The following MACROD2 variants were observed in gnomAD, a reference collection of about 807,000 sequenced individuals.
MACROD2 encodes mono-ADP ribosylhydrolase 2.
A neutral mutation model predicts 70.4 loss-of-function variants in MACROD2; 36 were observed. That is an observed-to-expected ratio of 0.51 (90% CI 0.39 to 0.68). The LOEUF is 0.68. MACROD2 is among the 30% of genes least tolerant of loss of function. MACROD2 has a pLI of 0.00. For missense variants in MACROD2, 496 were observed against 538.4 expected (o/e 0.92, Z 0.78); for synonymous variants, 172 against 178.8 (o/e 0.96, Z 0.30).
At chr20:14,406,195 T>C (rs1568597886) in intron 3 of MACROD2, among the ~76,000 whole-genome samples, 2 of 152,188 alleles carry the variant, frequency 1.3e-5, no homozygotes. Flanking sequence ...GATGTACTTA[T>C]TCTTCATCAA....
In MACROD2 at chr20:14,374,291, G is replaced by T. The variant is rs150644165; in HGVS notation, c.272-119188G>T. On this transcript the variant is annotated intron_variant, in intron 3 of 17. Coordinates refer to ENST00000684519, the MANE Select transcript of MACROD2 (RefSeq NM_001351661.2). ...AAAGCCTCAGTACAAATGACCCGAT[G>T]ACCTTAATTCCCAGGAAACTGTCAC... 2.0e-3 allele frequency among the ~76,000 whole-genome samples: 300 copies of T among 152,232 alleles called. 1 individual carries two copies. Among genetic ancestry groups the T allele is most frequent in the Non-Finnish European group, 3.3e-3 (224 of 68,004 alleles).
chr20:14,121,906 T>C (rs1330403920), intron 3 of MACROD2, among the ~76,000 whole-genome samples: 1 of 152,220 alleles, frequency 6.6e-6, no homozygotes, highest in Admixed American at 6.5e-5. Context: ...TATTGAAGTC[T>C]GTAATTGTTT....
chr20:14,380,681 T>G (rs1329162990), intron 3 of MACROD2, among the ~76,000 whole-genome samples: 4 of 152,140 alleles, frequency 2.6e-5, no homozygotes, highest in Non-Finnish European at 5.9e-5. Context: ...TATTGACTGG[T>G]CTCTTCATAC....
intron 8 of MACROD2, among the ~76,000 whole-genome samples, chr20:15,764,295 A>G (rs2051486653): frequency 6.6e-6 from 1 of 152,218 alleles, no homozygotes; most frequent in Admixed American, 6.5e-5. Flanking sequence ...ACACTGTCAC[A>G]TATCATTAGC....
intron 2 of MACROD2, among the ~76,000 whole-genome samples, chr20:14,068,299 T>A (rs1223293262): frequency 6.6e-6 from 1 of 151,256 alleles, no homozygotes; most frequent in Non-Finnish European, 1.5e-5. Flanking sequence ...TTTCTGAGAT[T>A]CCAAACTAAT....
intron 7 of MACROD2, among the ~76,000 whole-genome samples, chr20:15,491,008 C>T (rs944619906): frequency 1.3e-5 from 2 of 152,188 alleles, no homozygotes; most frequent in Non-Finnish European, 2.9e-5. Context: ...TTCTCTTCTA[C>T]TTTCCATTGT....
At chr20:15,438,733 A>G (rs1055163537) in intron 7 of MACROD2, among the ~76,000 whole-genome samples, 1 of 152,184 alleles carries the variant, frequency 6.6e-6, no homozygotes, top group African/African-American at 2.4e-5. Flanking sequence ...GAATTTAAAG[A>G]GCAGGAATTC....
At chr20:14,325,816 G>A in intron 3 of MACROD2, 2 of 1,613,852 alleles carry the variant, frequency 1.2e-6, no homozygotes, top group African/African-American at 1.3e-5. Flanking sequence ...TTTGCTATAT[G>A]CACAGTTCCT....
At chr20:15,215,685 A>G (rs922818628) in intron 5 of MACROD2, among the ~76,000 whole-genome samples, 2 of 152,122 alleles carry the variant, frequency 1.3e-5, no homozygotes, top group Non-Finnish European at 2.9e-5. Flanking sequence ...GGCAACAAAC[A>G]TATTTATATC....
intron 5 of MACROD2, among the ~76,000 whole-genome samples, chr20:14,923,076 G>A (rs534020324): frequency 3.3e-5 from 5 of 152,054 alleles, no homozygotes; most frequent in African/African-American, 4.8e-5. Context: ...AATTGCCAGC[G>A]GTCAATTCTC....
chr20:14,154,360 G>T (rs556311538), intron 3 of MACROD2, among the ~76,000 whole-genome samples: 1 of 151,468 alleles, frequency 6.6e-6, no homozygotes, highest in Non-Finnish European at 1.5e-5. Flanking sequence ...AGTAGGTTCA[G>T]TATGTAATTT....
chr20:14,710,699 C>G (rs1327281531), intron 5 of MACROD2, among the ~76,000 whole-genome samples: 5 of 152,080 alleles, frequency 3.3e-5, no homozygotes, highest in Non-Finnish European at 5.9e-5. Context: ...TGTTGTTTTC[C>G]TCATATCATG....
intron 2 of MACROD2, among the ~76,000 whole-genome samples, chr20:14,050,366 A>G (rs2053548190): frequency 1.3e-5 from 2 of 152,172 alleles, no homozygotes; most frequent in Non-Finnish European, 2.9e-5. Flanking sequence ...AGCCTTCCTT[A>G]TTTTGGCAGT....
intron 6 of MACROD2, among the ~76,000 whole-genome samples, chr20:15,245,124 A>G (rs1014605338): frequency 5.3e-5 from 8 of 152,232 alleles, no homozygotes; most frequent in African/African-American, 1.7e-4. Flanking sequence ...GGATAATTCC[A>G]TATTTATTTC....
At chr20:15,732,178 C>T (rs961471704) in intron 8 of MACROD2, among the ~76,000 whole-genome samples, 1 of 151,716 alleles carries the variant, frequency 6.6e-6, no homozygotes, top group Admixed American at 6.6e-5. Flanking sequence ...AGCAGGATTG[C>T]TGGTGTCCAT....
intron 4 of MACROD2, among the ~76,000 whole-genome samples, chr20:14,605,207 T>C (rs1399405199): frequency 6.6e-6 from 1 of 152,172 alleles, no homozygotes; most frequent in African/African-American, 2.4e-5. Flanking sequence ...AGAAATGTAT[T>C]GTTTCACCGC....
At position 14,535,505 on chromosome 20, in the gene MACROD2, CAAAA is replaced by C. The variant is rs11357982; in HGVS notation, c.301+42018_301+42021del. 2.4e-3 allele frequency among the ~76,000 whole-genome samples: 150 copies of C among 62,994 alleles called. 1 individual carries two copies. Among genetic ancestry groups the C allele is most frequent in the African/African-American group, 8.3e-3 (142 of 17,012 alleles). The allele number at this position is 62,994 out of a possible 152,430, so 41.3% of individuals were successfully genotyped here. A position where few individuals can be genotyped will look rare whatever the true frequency, so the allele number is the denominator to read the frequency against. On this transcript the variant is annotated intron_variant, in intron 4 of 17. Coordinates refer to ENST00000684519, the MANE Select transcript of MACROD2 (RefSeq NM_001351661.2). ...GTGCAACAAGAGTGAAACTCCGTCTCAAAAAAAAAAAAAAAAAAAAAAAAGAGTT... is the reference window on the plus strand; with the variant it reads ...GTGCAACAAGAGTGAAACTCCGTCTCAAAAAAAAAAAAAAAAAAAAGAGTT...
At chr20:14,197,545 A>G (rs1185533805) in intron 3 of MACROD2, among the ~76,000 whole-genome samples, 1 of 152,288 alleles carries the variant, frequency 6.6e-6, no homozygotes, top group African/African-American at 2.4e-5. Context: ...AGGCGGGCAG[A>G]TCACCTGAGG....
At chr20:14,874,090 A>G (rs912765837) in intron 5 of MACROD2, among the ~76,000 whole-genome samples, 4 of 152,046 alleles carry the variant, frequency 2.6e-5, no homozygotes, top group Non-Finnish European at 5.9e-5. Flanking sequence ...TATCTCTAAC[A>G]CTTATTAGGA....
Sources: allele counts gnomAD v4.1 joint callset (sites outside exome capture counted in the v4.1 genomes callset), GRCh38; gene constraint gnomAD v4.1.1; transcripts MANE v1.5; gene names NCBI Gene and HGNC (gene_info 2026-07-23, HGNC 2026-07-21).